The following EML5 variants were observed in gnomAD, a reference collection of about 807,000 sequenced individuals.
EML5 encodes the protein EMAP like 5.
EML5 carries 120 observed loss-of-function variants against 250.0 expected under a neutral mutation model. The observed-to-expected ratio is 0.48, with a 90% CI of 0.41 to 0.56. The LOEUF (loss-of-function observed/expected upper bound fraction) is 0.56. EML5 is among the 20% of genes least tolerant of loss of function. The pLI, the probability that EML5 is intolerant of heterozygous loss-of-function variation, is 0.00. For synonymous variants in EML5, 771 were observed against 806.5 expected (o/e 0.96, Z 0.75); for missense variants, 2,006 against 2,437.6 (o/e 0.82, Z 3.73).
chr14:88,740,722 C>T (rs1566733561), intron 4 of EML5, 150 bp from the exon 5 acceptor site: 2 of 658,814 alleles, frequency 3.0e-6, no homozygotes, highest in Non-Finnish European at 4.9e-6. Context: ...TGTTCAGATT[C>T]TCATCCTAGT....
At position 88,613,874 on chromosome 14, in the gene EML5, C is replaced by A. The variant is rs1595165768; in HGVS notation, c.*1944G>T. On this transcript the variant is annotated 3_prime_UTR_variant, in exon 44 of 44. Transcript: ENST00000554922. ...AGATTCTATATGGCCTATCATGTTT[C>A]TTCACCTTCCCCTCGTTGCTGGCTG... is the stretch of plus-strand genomic sequence containing the variant. 1 of 152,320 alleles carries A rather than the reference C, an allele frequency of 6.6e-6. No individual in the cohort carries two copies. Among genetic ancestry groups the A allele is most frequent in the East Asian group, 1.9e-4 (1 of 5,194 alleles). 9.4% of individuals were successfully genotyped at this position (152,320 alleles called of 1,614,324 possible).
intron 24 of EML5, among the ~76,000 whole-genome samples, chr14:88,662,336 C>CTTTTT (rs1244105674): frequency 6.1e-5 from 2 of 32,584 alleles, no homozygotes; most frequent in African/African-American, 2.8e-4. Context: ...CACAATTTTT[C>CTTTTT]TTGTTTTTTT....
chr14:88,742,475 T>G (rs2093938628), intron 4 of EML5, among the ~76,000 whole-genome samples: 1 of 152,212 alleles, frequency 6.6e-6, no homozygotes, highest in Admixed American at 6.5e-5. Flanking sequence ...TATTCATTTC[T>G]TCTAGCAAAG....
intron 7 of EML5, among the ~76,000 whole-genome samples, chr14:88,728,499 G>A (rs1207342791): frequency 6.6e-6 from 1 of 152,088 alleles, no homozygotes; most frequent in Non-Finnish European, 1.5e-5. Flanking sequence ...CTACAATAAA[G>A]TAAGCTAGAG....
In EML5 at chr14:88,661,746, C is replaced by G. The variant is rs532760542; in HGVS notation, c.3583G>C (p.Asp1195His). 6.2e-7 allele frequency: 1 copy of G among 1,613,584 alleles called. No homozygotes were observed. The highest frequency in any genetic ancestry group is 1.7e-5 in the Admixed American group (1 of 59,978). The change falls in exon 25 of 44, where the codon GAT becomes CAT. Residue 1195 changes from aspartate (D) to histidine (H), a missense_variant. Asp to His is a moderately conservative substitution (Grantham distance 81). Transcript: ENST00000554922. ...GIWPVIGEVTDVTASCLTSDK... is the reference protein window; with the variant it reads ...GIWPVIGEVTHVTASCLTSDK... ...CTGGTGAGGCAAGAAGCAGTTACATCTGTAACTTCTCCAATTACTGGCCAA... is the reference window on the plus strand; with the variant it reads ...CTGGTGAGGCAAGAAGCAGTTACATGTGTAACTTCTCCAATTACTGGCCAA...
chr14:88,649,218 T>A (rs930171285), intron 28 of EML5, among the ~76,000 whole-genome samples: 19 of 152,248 alleles, frequency 1.2e-4, no homozygotes, highest in African/African-American at 4.3e-4. Context: ...TTATTTTTTG[T>A]AGAGACAGGG....
intron 21 of EML5, among the ~76,000 whole-genome samples, chr14:88,667,690 C>G (rs1716416083): frequency 6.6e-6 from 1 of 152,202 alleles, no homozygotes; most frequent in Non-Finnish European, 1.5e-5. Context: ...CTCCCTTCCT[C>G]CAGTGTGCTG....
chr14:88,737,075 T>C (rs1228609509), intron 6 of EML5, among the ~76,000 whole-genome samples: 1 of 152,086 alleles, frequency 6.6e-6, no homozygotes, highest in Non-Finnish European at 1.5e-5. Flanking sequence ...CTTGCTCACC[T>C]GCCAGCTGCC....
intron 1 of EML5, among the ~76,000 whole-genome samples, chr14:88,773,787 C>T (rs2094419224): frequency 1.3e-5 from 2 of 149,728 alleles, no homozygotes; most frequent in African/African-American, 5.0e-5. Context: ...TGTTCTCAAA[C>T]TTTAGATTAT....
chr14:88,650,467 A>G (rs1595371422), intron 27 of EML5, among the ~76,000 whole-genome samples: 1 of 152,168 alleles, frequency 6.6e-6, no homozygotes, highest in Admixed American at 6.6e-5. Flanking sequence ...AGAACAAAAC[A>G]AAACAAAAAA....
At chr14:88,731,783 T>A (rs925226720) in intron 7 of EML5, among the ~76,000 whole-genome samples, 3 of 152,210 alleles carry the variant, frequency 2.0e-5, no homozygotes, top group Non-Finnish European at 4.4e-5. Flanking sequence ...AGATGGTACC[T>A]CATTGTGGTT....
intron 33 of EML5, 103 bp downstream of exon 33, chr14:88,634,366 A>C (rs1030046310): frequency 2.8e-6 from 2 of 727,108 alleles, no homozygotes; most frequent in Non-Finnish European, 4.4e-6. Context: ...CCAGTTCTTT[A>C]ATAGTAATGC....
intron 17 of EML5, among the ~76,000 whole-genome samples, chr14:88,690,807 T>C (rs1221603558): frequency 6.6e-6 from 1 of 152,116 alleles, no homozygotes; most frequent in Non-Finnish European, 1.5e-5. Flanking sequence ...CTTGAGTAGA[T>C]GAGAGAAAGA....
chr14:88,738,911 A>G lies in EML5; in HGVS notation c.815T>C (p.Ile272Thr), dbSNP rs781775786. The G allele has an allele frequency of 1.3e-6, 2 of 1,584,484 alleles. No homozygotes were observed. Among genetic ancestry groups the G allele is most frequent in the Non-Finnish European group, 1.7e-6 (2 of 1,164,316 alleles). The change falls in exon 6 of 44, where the codon ATT becomes ACT. Residue 272 changes from isoleucine (I) to threonine (T), a missense_variant. By Grantham distance (89) the Ile-to-Thr change is moderately conservative. Transcript: ENST00000554922. The part of the protein sequence containing the change: ...WDLTFKPITV[I>T]DLRETDQGYK... Reference sequence around the variant, plus strand: ...TCCCTGGTCTGTTTCCCTGAGATCAATCACAGTAATTGGTTTAAAAGTTAA... The same window carrying G: ...TCCCTGGTCTGTTTCCCTGAGATCAGTCACAGTAATTGGTTTAAAAGTTAA...
intron 33 of EML5, among the ~76,000 whole-genome samples, chr14:88,630,364 A>T (rs1474058085): frequency 6.6e-6 from 1 of 152,086 alleles, no homozygotes; most frequent in Non-Finnish European, 1.5e-5. Flanking sequence ...AAATTTTAAC[A>T]TGGGTCATTA....
chr14:88,704,475 C>G (rs910986098), intron 13 of EML5, among the ~76,000 whole-genome samples: 1 of 152,032 alleles, frequency 6.6e-6, no homozygotes, highest in Admixed American at 6.6e-5. Context: ...TGGACTAACA[C>G]AGTACTATTA....
chr14:88,675,535 A>G (rs1567104211), intron 21 of EML5, among the ~76,000 whole-genome samples: 1 of 152,126 alleles, frequency 6.6e-6, no homozygotes, highest in Non-Finnish European at 1.5e-5. Context: ...GGCCCACAAA[A>G]CCATCTTTTC....
At chr14:88,704,357 A>G (rs148994998) in intron 13 of EML5, among the ~76,000 whole-genome samples, 1 of 152,304 alleles carries the variant, frequency 6.6e-6, no homozygotes, top group East Asian at 1.9e-4. Context: ...CCAGAAGCTG[A>G]GCAGATGCTG....
intron 35 of EML5, chr14:88,625,995 C>G (rs1345285682): frequency 6.6e-6 from 1 of 152,164 alleles, no homozygotes; most frequent in African/African-American, 2.4e-5. Context: ...GAGAGGAGAG[C>G]AGGTCTCCTG....
Sources: gnomAD v4.1 joint callset for allele counts (sites outside exome capture counted in the v4.1 genomes callset) on GRCh38, gnomAD v4.1.1 for gene constraint, MANE v1.5 for transcripts, NCBI Gene and HGNC (gene_info 2026-07-23, HGNC 2026-07-21) for gene names.